The following NCKAP5 variants were observed in gnomAD, a reference collection of about 807,000 sequenced individuals.
The protein encoded by NCKAP5 is NCK associated protein 5.
NCKAP5 carries 92 observed loss-of-function variants against 167.0 expected under a neutral mutation model. The observed-to-expected ratio is 0.55, with a 90% CI of 0.47 to 0.66. The LOEUF is 0.66. Ranked by LOEUF, NCKAP5 falls within the 30% of genes least tolerant of loss-of-function variation. The pLI, the probability that NCKAP5 is intolerant of heterozygous loss-of-function variation, is 0.00. For missense variants in NCKAP5, 2,378 were observed against 2,315.0 expected, an observed-to-expected ratio of 1.03 and a Z score of -0.56; for synonymous variants, 891 against 877.4, an observed-to-expected ratio of 1.02 and a Z score of -0.27.
chr2:133,416,385 T>C (rs772032653), intron 3 of NCKAP5, among the ~76,000 whole-genome samples: 2 of 152,142 alleles, frequency 1.3e-5, no homozygotes, highest in African/African-American at 4.8e-5. Flanking sequence ...TATCAATGTA[T>C]AGGGATGAAA....
At chr2:132,720,325 G>A (rs1689785683) in intron 19 of NCKAP5, among the ~76,000 whole-genome samples, 1 of 152,234 alleles carries the variant, frequency 6.6e-6, no homozygotes, top group African/African-American at 2.4e-5. Flanking sequence ...TCCCCCCACT[G>A]ACTCTGCTAA....
intron 5 of NCKAP5, among the ~76,000 whole-genome samples, chr2:133,163,923 T>A (rs1296322920): frequency 6.6e-6 from 1 of 152,232 alleles, no homozygotes; most frequent in Non-Finnish European, 1.5e-5. Flanking sequence ...ATAATTTGTC[T>A]GTTTTGCAAA....
At chr2:133,259,975 G>C (rs1241426454) in intron 4 of NCKAP5, among the ~76,000 whole-genome samples, 2 of 152,160 alleles carry the variant, frequency 1.3e-5, no homozygotes, top group African/African-American at 4.8e-5. Context: ...GAGGTACAGA[G>C]ACACAAAGGT....
chr2:132,753,860 G>A (rs1680313254), intron 16 of NCKAP5, among the ~76,000 whole-genome samples: 1 of 152,176 alleles, frequency 6.6e-6, no homozygotes. Flanking sequence ...ACTTGAGCAT[G>A]TCCAACTGCC....
intron 6 of NCKAP5, among the ~76,000 whole-genome samples, chr2:133,061,890 C>T (rs2080018381): frequency 6.6e-6 from 1 of 152,190 alleles, no homozygotes; most frequent in Non-Finnish European, 1.5e-5. Flanking sequence ...CCTTTCTCCA[C>T]TCCCCAACCA....
chr2:133,472,563 G>A (rs191890717), intron 3 of NCKAP5, among the ~76,000 whole-genome samples: 6 of 151,930 alleles, frequency 3.9e-5, no homozygotes, highest in South Asian at 4.2e-4. Flanking sequence ...CCTTCCACAC[G>A]TCTCTTCGGC....
chr2:132,854,204 C>T (rs1028850542), intron 11 of NCKAP5, among the ~76,000 whole-genome samples: 12 of 152,176 alleles, frequency 7.9e-5, no homozygotes, highest in Non-Finnish European at 1.3e-4. Flanking sequence ...ATACACCTTA[C>T]GTGATAATGC....
At chr2:133,568,912 G>T (rs1688743587), upstream of NCKAP5, among the ~76,000 whole-genome samples, 1 of 152,146 alleles carries the variant, frequency 6.6e-6, no homozygotes, top group South Asian at 2.1e-4. Flanking sequence ...TAGATAGATT[G>T]TCTTGGGTGC....
chr2:133,116,038 A>T (rs1382804113), intron 6 of NCKAP5, among the ~76,000 whole-genome samples: 1 of 151,804 alleles, frequency 6.6e-6, no homozygotes, highest in Non-Finnish European at 1.5e-5. Context: ...TTCAAATTTA[A>T]CTGAAGATCA....
At chr2:132,747,922 T>C (rs992291003) in intron 16 of NCKAP5, among the ~76,000 whole-genome samples, 28 of 152,214 alleles carry the variant, frequency 1.8e-4, no homozygotes, top group Admixed American at 6.5e-4. Flanking sequence ...GCTTGATTGC[T>C]ACATGGTTAT....
chr2:133,553,411 G>A (rs1179288406), intron 2 of NCKAP5, among the ~76,000 whole-genome samples: 1 of 152,188 alleles, frequency 6.6e-6, no homozygotes, highest in Non-Finnish European at 1.5e-5. Context: ...GGAATGCTGG[G>A]AATCTGCATT....
At position 132,908,815 on chromosome 2, in the gene NCKAP5, G is replaced by T. The variant is rs1694205189; in HGVS notation, c.580-29899C>A. On this transcript the variant is annotated intron_variant, in intron 8 of 19. Transcript: ENST00000409261. ...AATCTTCATGTTATTGACAAATTATGCTGAATAATGCAGTTCTAAAACATG... is the reference window on the plus strand; with the variant it reads ...AATCTTCATGTTATTGACAAATTATTCTGAATAATGCAGTTCTAAAACATG... 2.0e-5 allele frequency among the ~76,000 whole-genome samples: 3 copies of T among 152,138 alleles called. No homozygotes were observed. The South Asian group carries it at 6.2e-4, about 32-fold the overall frequency.
intron 19 of NCKAP5, among the ~76,000 whole-genome samples, chr2:132,706,989 T>C (rs190620615): frequency 1.2e-4 from 19 of 152,230 alleles, no homozygotes; most frequent in Non-Finnish European, 2.1e-4. Context: ...CCTCCACCCA[T>C]TGTCCTCCCC....
chr2:132,709,103 T>C lies in NCKAP5; in HGVS notation c.5713+16524A>G, dbSNP rs561327783. ...TTTCCTATTATTTCTAGTAACTGTC[T>C]ACACATTCTTTTGGGTTTTCTATGA... On this transcript the variant is annotated intron_variant, in intron 19 of 19. Coordinates refer to ENST00000409261, the MANE Select transcript of NCKAP5 (RefSeq NM_207363.3). Among the ~76,000 whole-genome samples the C allele has an allele frequency of 1.1e-4, 16 of 152,228 alleles. No homozygotes were observed. The South Asian group carries it at 3.3e-3, about 32-fold the overall frequency.
At chr2:133,436,414 C>T (rs1484176016) in intron 3 of NCKAP5, among the ~76,000 whole-genome samples, 1 of 152,190 alleles carries the variant, frequency 6.6e-6, no homozygotes, top group Non-Finnish European at 1.5e-5. Flanking sequence ...TTTTTTTGCA[C>T]CTATGGCCAC....
At chr2:133,249,998 T>TTTATTATTATTA (rs10685479) in intron 4 of NCKAP5, among the ~76,000 whole-genome samples, 44,901 of 137,834 alleles carry the variant, frequency 0.33, 8,060 homozygotes, top group Admixed American at 0.47. Flanking sequence ...CACCAAGGGT[T>TTTATTATTATTA]TTATTATTAT....
chr2:133,404,357 A>G (rs1452331564), intron 3 of NCKAP5, among the ~76,000 whole-genome samples: 1 of 152,224 alleles, frequency 6.6e-6, no homozygotes, highest in East Asian at 1.9e-4. Context: ...CAAAACCACT[A>G]GTGGATGCCT....
intron 3 of NCKAP5, among the ~76,000 whole-genome samples, chr2:133,304,258 C>T (rs180673023): frequency 6.6e-6 from 1 of 152,208 alleles, no homozygotes; most frequent in African/African-American, 2.4e-5. Flanking sequence ...AGGGACCAGT[C>T]CTGATTTCTT....
intron 3 of NCKAP5, among the ~76,000 whole-genome samples, chr2:133,462,141 TCTG>T (rs1397499514): frequency 1.3e-5 from 2 of 152,240 alleles, no homozygotes; most frequent in Non-Finnish European, 2.9e-5. Flanking sequence ...TTGCTTAAGT[TCTG>T]CTTGGGCCTT....
Sources: allele counts gnomAD v4.1 joint callset (sites outside exome capture counted in the v4.1 genomes callset), GRCh38; gene constraint gnomAD v4.1.1; transcripts MANE v1.5; gene names NCBI Gene and HGNC (gene_info 2026-07-23, HGNC 2026-07-21).